ARHGAP42: variants seen among roughly 807,000 people sequenced by gnomAD.
ARHGAP42 encodes the protein Rho GTPase activating protein 42.
A neutral mutation model predicts 125.0 loss-of-function variants in ARHGAP42; 63 were observed. The ratio of observed to expected loss-of-function variants is 0.50; its 90% CI spans 0.41 to 0.62. ARHGAP42 has a LOEUF of 0.62. Among genes scored for constraint, ARHGAP42 ranks in the 20% least tolerant of loss-of-function variants. The pLI is 0.00. For missense variants in ARHGAP42, 766 were observed against 1,024.2 expected, an observed-to-expected ratio of 0.75 and a Z score of 3.44; for synonymous variants, 339 against 351.0, an observed-to-expected ratio of 0.97 and a Z score of 0.38.
At position 100,925,310 on chromosome 11, in the gene ARHGAP42, C is replaced by T. The variant is rs1185311245; in HGVS notation, c.597+3706C>T. ...CTGTAAATATAAAATCAACAGCAGC[C>T]TGCAGAATCTTAGTATGAAAAAATG... On this transcript the variant is annotated intron_variant, in intron 6 of 23. Coordinates refer to ENST00000298815, the MANE Select transcript of ARHGAP42 (RefSeq NM_152432.4). 2.0e-5 allele frequency among the ~76,000 whole-genome samples: 3 copies of T among 152,026 alleles called. No homozygotes were observed. The East Asian group carries it at 5.8e-4, about 29-fold the overall frequency.
chr11:100,695,908 A>T (rs1397039544), intron 1 of ARHGAP42, among the ~76,000 whole-genome samples: 1 of 152,060 alleles, frequency 6.6e-6, no homozygotes, highest in African/African-American at 2.4e-5. Flanking sequence ...TTTTACATGG[A>T]ATATAGTGGG....
At chr11:100,762,572 C>A (rs7126324) in intron 1 of ARHGAP42, among the ~76,000 whole-genome samples, 1 of 151,914 alleles carries the variant, frequency 6.6e-6, no homozygotes, top group Non-Finnish European at 1.5e-5. Flanking sequence ...TAATGAAGAC[C>A]GATTTTTAAT....
intron 10 of ARHGAP42, among the ~76,000 whole-genome samples, chr11:100,945,959 A>G (rs894005655): frequency 2.7e-4 from 41 of 152,126 alleles, no homozygotes; most frequent in Non-Finnish European, 1.0e-4. Flanking sequence ...AAATGAGGGC[A>G]TCTTCCAACA....
intron 4 of ARHGAP42, among the ~76,000 whole-genome samples, chr11:100,861,626 T>G (rs1392486409): frequency 6.6e-6 from 1 of 152,126 alleles, no homozygotes; most frequent in Non-Finnish European, 1.5e-5. Context: ...ACTGGAAAGT[T>G]AGTAGGAGAA....
At chr11:100,696,595 T>C (rs905386895) in intron 1 of ARHGAP42, among the ~76,000 whole-genome samples, 33 of 152,124 alleles carry the variant, frequency 2.2e-4, no homozygotes, top group Admixed American at 2.2e-3. Flanking sequence ...CCTCATATGA[T>C]CCACCCGCCT....
At chr11:100,712,677 T>G (rs986228365) in intron 1 of ARHGAP42, among the ~76,000 whole-genome samples, 1 of 152,054 alleles carries the variant, frequency 6.6e-6, no homozygotes, top group South Asian at 2.1e-4. Flanking sequence ...GTGCGTGTGT[T>G]TGTGTGAGGG....
chr11:100,987,246 A>T (rs1858702549), intron 22 of ARHGAP42, among the ~76,000 whole-genome samples: 1 of 152,136 alleles, frequency 6.6e-6, no homozygotes, highest in African/African-American at 2.4e-5. Flanking sequence ...AAACCAACCT[A>T]TATTGTTATA....
At chr11:100,772,241 C>T (rs1000638451) in intron 2 of ARHGAP42, among the ~76,000 whole-genome samples, 1 of 152,218 alleles carries the variant, frequency 6.6e-6, no homozygotes, top group Non-Finnish European at 1.5e-5. Context: ...ATTTCAGCTT[C>T]ATTGTGTGGC....
intron 4 of ARHGAP42, among the ~76,000 whole-genome samples, chr11:100,886,318 A>G (rs191704078): frequency 2.0e-4 from 31 of 152,312 alleles, no homozygotes; most frequent in Admixed American, 1.2e-3. Context: ...CAGGGAACAG[A>G]CTTCCTTGAA....
At chr11:100,689,644 G>A (rs1163046637) in intron 1 of ARHGAP42, among the ~76,000 whole-genome samples, 2 of 152,122 alleles carry the variant, frequency 1.3e-5, no homozygotes, top group Non-Finnish European at 2.9e-5. Flanking sequence ...TAGGCTCTTT[G>A]AAGATATAGG....
intron 4 of ARHGAP42, among the ~76,000 whole-genome samples, chr11:100,883,074 T>C (rs1475723409): frequency 6.6e-6 from 1 of 152,184 alleles, no homozygotes; most frequent in Non-Finnish European, 1.5e-5. Flanking sequence ...TTTTGTATTG[T>C]TTTTTGTTTC....
chr11:100,915,542 T>C (rs532730134), intron 5 of ARHGAP42, among the ~76,000 whole-genome samples: 2 of 152,338 alleles, frequency 1.3e-5, no homozygotes, highest in East Asian at 3.9e-4. Context: ...AAGGAAATGA[T>C]AACATTATCC....
At position 100,811,051 on chromosome 11, in the gene ARHGAP42, G is replaced by A. The variant is rs1195291902; in HGVS notation, c.312+15885G>A. Among the ~76,000 whole-genome samples the A allele has an allele frequency of 5.3e-5, 8 of 152,184 alleles. No individual in the cohort carries two copies. The South Asian group carries it at 1.0e-3, about 20-fold the overall frequency. ...GCTCACCGCAACTTCCGCCTCCTGG[G>A]TTCAAGTGATTCTCCTGCCTCAGCC... On this transcript the variant is annotated intron_variant, in intron 3 of 23. Coordinates refer to ENST00000298815, the MANE Select transcript of ARHGAP42 (RefSeq NM_152432.4).
At chr11:100,901,961 C>T (rs1168653164) in intron 4 of ARHGAP42, among the ~76,000 whole-genome samples, 3 of 152,224 alleles carry the variant, frequency 2.0e-5, no homozygotes, top group African/African-American at 7.2e-5. Flanking sequence ...CCAGGTACCT[C>T]AGTGCAGAAA....
intron 3 of ARHGAP42, among the ~76,000 whole-genome samples, chr11:100,831,795 AT>A (rs1243982118): frequency 6.6e-6 from 1 of 152,220 alleles, no homozygotes; most frequent in Non-Finnish European, 1.5e-5. Context: ...CCAAGAGTTA[AT>A]TTGGGCACAT....
intron 4 of ARHGAP42, among the ~76,000 whole-genome samples, chr11:100,907,145 G>A (rs114450827): frequency 0.014 from 2,122 of 152,282 alleles, 52 homozygotes; most frequent in African/African-American, 0.048. Context: ...TTAGCACATG[G>A]CATCATTCAA....
At chr11:100,727,623 G>C (rs1565543595) in intron 1 of ARHGAP42, among the ~76,000 whole-genome samples, 1 of 152,130 alleles carries the variant, frequency 6.6e-6, no homozygotes, top group African/African-American at 2.4e-5. Context: ...GAACTATGAG[G>C]TTCCGGGAGC....
At chr11:100,714,736 AG>A (rs2120248703) in intron 1 of ARHGAP42, among the ~76,000 whole-genome samples, 2 of 152,292 alleles carry the variant, frequency 1.3e-5, no homozygotes, top group South Asian at 4.1e-4. Context: ...ATAGACCTAA[AG>A]AATTCTTATT....
At chr11:100,954,742 T>C (rs1358621130) in intron 12 of ARHGAP42, among the ~76,000 whole-genome samples, 2 of 152,122 alleles carry the variant, frequency 1.3e-5, no homozygotes, top group African/African-American at 4.8e-5. Context: ...GTGCTCTTCA[T>C]GGGCAGAGCA....
Sources: allele counts gnomAD v4.1 joint callset (sites outside exome capture counted in the v4.1 genomes callset), GRCh38; gene constraint gnomAD v4.1.1; transcripts MANE v1.5; gene names NCBI Gene and HGNC (gene_info 2026-07-23, HGNC 2026-07-21).